The following QTMAN variants were observed in gnomAD, a reference collection of about 807,000 sequenced individuals.
The protein encoded by QTMAN is tRNA-queuosine alpha-mannosyltransferase.
the QTMAN span, among the ~76,000 whole-genome samples, chr2:144,126,101 C>T: frequency 1.3e-5 from 2 of 151,888 alleles, no homozygotes; most frequent in African/African-American, 4.8e-5. Flanking sequence ...TAATTTTTTA[C>T]TATAGATTGC....
chr2:144,085,743 G>A, the QTMAN span, among the ~76,000 whole-genome samples: 16 of 152,150 alleles, frequency 1.1e-4, no homozygotes, highest in South Asian at 2.1e-4. Flanking sequence ...GCTTTGAATC[G>A]GAGCCTAGTA....
At chr2:143,968,424 A>T in the QTMAN span, among the ~76,000 whole-genome samples, 1 of 152,104 alleles carries the variant, frequency 6.6e-6, no homozygotes, top group Non-Finnish European at 1.5e-5. Context: ...AGTGAGCAAT[A>T]ATTACTCACC....
At chr2:144,115,232 AAAC>A in the QTMAN span, among the ~76,000 whole-genome samples, 23,548 of 151,044 alleles carry the variant, frequency 0.16, 3,485 homozygotes, top group African/African-American at 0.38. Context: ...CCCTGTCTAA[AAAC>A]AACAACAACA....
the QTMAN span, among the ~76,000 whole-genome samples, chr2:144,275,383 CAA>C: frequency 2.5e-4 from 22 of 87,042 alleles, no homozygotes; most frequent in Admixed American, 3.7e-4. Flanking sequence ...GACTAGGTCT[CAA>C]AAAAAAAAAA....
At chr2:144,171,096 G>A in the QTMAN span, among the ~76,000 whole-genome samples, 1 of 152,172 alleles carries the variant, frequency 6.6e-6, no homozygotes, top group Non-Finnish European at 1.5e-5. Context: ...CATCTTGAAA[G>A]TGAAGATAAT....
chr2:144,287,364 G>GGCAGAGCTT, the QTMAN span, among the ~76,000 whole-genome samples: 4 of 151,800 alleles, frequency 2.6e-5, no homozygotes, highest in Admixed American at 2.0e-4. Context: ...GAACCCGGGA[G>GGCAGAGCTT]GCAGAGCTTG....
chr2:144,053,490 AATAATAAGCAT>A, the QTMAN span, among the ~76,000 whole-genome samples: 11 of 152,238 alleles, frequency 7.2e-5, no homozygotes, highest in Non-Finnish European at 1.6e-4. Flanking sequence ...CTGCTATGAC[AATAATAAGCAT>A]GTTTTGTTGA....
the QTMAN span, among the ~76,000 whole-genome samples, chr2:144,188,276 AT>A: frequency 1.1e-4 from 16 of 149,070 alleles, no homozygotes; most frequent in South Asian, 2.1e-4. Flanking sequence ...AGTAGCACCA[AT>A]TTTTTTTTTT....
chr2:144,133,324 TATACATATATAA>T, the QTMAN span, among the ~76,000 whole-genome samples: 1 of 64,682 alleles, frequency 1.5e-5, no homozygotes, highest in Non-Finnish European at 2.7e-5. Flanking sequence ...TATATGTATA[TATACATATATAA>T]ATATATATTA....
At chr2:144,036,248 G>C in the QTMAN span, among the ~76,000 whole-genome samples, 1 of 152,200 alleles carries the variant, frequency 6.6e-6, no homozygotes, top group South Asian at 2.1e-4. Flanking sequence ...CTCTTGAAAT[G>C]ATACTTGGAT....
At chr2:144,086,379 T>C in the QTMAN span, among the ~76,000 whole-genome samples, 1 of 152,178 alleles carries the variant, frequency 6.6e-6, no homozygotes, top group African/African-American at 2.4e-5. Flanking sequence ...ACTCTGGGGC[T>C]CAAGTAATCT....
At chr2:144,193,701 T>C in the QTMAN span, among the ~76,000 whole-genome samples, 5 of 151,894 alleles carry the variant, frequency 3.3e-5, no homozygotes, top group Admixed American at 3.3e-4. Context: ...TTTTTTTAAA[T>C]TTTTTTGTAA....
chr2:144,055,281 G>A, the QTMAN span, among the ~76,000 whole-genome samples: 2 of 151,308 alleles, frequency 1.3e-5, no homozygotes, highest in African/African-American at 4.9e-5. Context: ...CCACTTAAGT[G>A]GTGACAAGTA....
the QTMAN span, among the ~76,000 whole-genome samples, chr2:144,196,937 G>A: frequency 1.3e-5 from 2 of 152,168 alleles, no homozygotes; most frequent in African/African-American, 2.4e-5. Flanking sequence ...CTTATTGATT[G>A]TGTGTATTTA....
chr2:144,073,131 G>C, the QTMAN span, among the ~76,000 whole-genome samples: 1 of 151,878 alleles, frequency 6.6e-6, no homozygotes, highest in African/African-American at 2.4e-5. Context: ...ATTGCAACTT[G>C]ATAACAACAT....
At chr2:143,956,187 T>G in the QTMAN span, among the ~76,000 whole-genome samples, 69 of 152,338 alleles carry the variant, frequency 4.5e-4, no homozygotes, top group African/African-American at 1.6e-3. Flanking sequence ...GTTCTTTGGA[T>G]ACATTTTAAT....
the QTMAN span, among the ~76,000 whole-genome samples, chr2:144,075,051 G>T: frequency 6.6e-6 from 1 of 152,124 alleles, no homozygotes; most frequent in Non-Finnish European, 1.5e-5. Context: ...TAAGCAATAC[G>T]GAATAAGTTT....
the QTMAN span, among the ~76,000 whole-genome samples, chr2:144,087,074 G>T: frequency 1.5e-4 from 23 of 152,150 alleles, no homozygotes; most frequent in East Asian, 4.4e-3. Flanking sequence ...CAATAAAATT[G>T]ATAAAATTTT....
the QTMAN span, among the ~76,000 whole-genome samples, chr2:143,968,884 G>T: frequency 2.0e-5 from 3 of 152,046 alleles, no homozygotes; most frequent in Non-Finnish European, 4.4e-5. Context: ...CTACCAGAGG[G>T]TCTTACTGTG....
Sources: allele counts gnomAD v4.1 joint callset (sites outside exome capture counted in the v4.1 genomes callset), GRCh38; gene constraint gnomAD v4.1.1; transcripts MANE v1.5; gene names NCBI Gene and HGNC (gene_info 2026-07-23, HGNC 2026-07-21).